TRPC4: variants seen among roughly 807,000 people sequenced by gnomAD.
TRPC4 encodes transient receptor potential cation channel subfamily C member 4, also known as short transient receptor potential channel 4.
Under a neutral mutation model 99.4 loss-of-function variants are expected in TRPC4, and 49 were observed. That is an observed-to-expected ratio of 0.49 (90% CI 0.39 to 0.63). TRPC4 has a LOEUF of 0.63. Ranked by LOEUF, TRPC4 falls within the 20% of genes least tolerant of loss-of-function variation. The pLI is 0.00. For missense variants in TRPC4, 898 were observed against 1,152.9 expected, an observed-to-expected ratio of 0.78 and a Z score of 3.20; for synonymous variants, 454 against 425.9, an observed-to-expected ratio of 1.07 and a Z score of -0.81.
chr13:37,849,846 C>A (rs1372499928), intron 1 of TRPC4, among the ~76,000 whole-genome samples: 1 of 152,198 alleles, frequency 6.6e-6, no homozygotes, highest in Non-Finnish European at 1.5e-5. Context: ...ACTCCTGCAT[C>A]ATCTGGCACA....
chr13:37,851,930 G>C (rs1959069076), intron 1 of TRPC4, among the ~76,000 whole-genome samples: 1 of 152,188 alleles, frequency 6.6e-6, no homozygotes, highest in South Asian at 2.1e-4. Context: ...TGTGCACAGA[G>C]GGAGCATTTG....
Position 37,637,046 on chromosome 13 carries a change from TG to T in TRPC4, c.2790del (p.Phe930LeufsTer14), listed in dbSNP as rs751755487. 1 of 1,613,750 alleles carries T rather than the reference TG, an allele frequency of 6.2e-7. No individual in the cohort carries two copies. On this transcript the variant is annotated frameshift_variant, in exon 11 of 11. Transcript: ENST00000379705. LOFTEE classifies it high-confidence loss of function. The stretch of plus-strand genomic sequence containing the variant: ...TCCTCCACCACCACCTTCTCTGACT[TG>T]AATGGACACACTCTCTTTCCTACCT... ...GLQVGKRVCPFKSEKVVVEDT... is the reference protein window; with the variant it reads ...GLQVGKRVCPXKSEKVVVEDT...
chr13:37,867,694 TAAC>T (rs1428071611), intron 1 of TRPC4, among the ~76,000 whole-genome samples: 1 of 152,090 alleles, frequency 6.6e-6, no homozygotes, highest in Admixed American at 6.5e-5. Flanking sequence ...GTGAAGTTTA[TAAC>T]AACATCTAGT....
intron 1 of TRPC4, among the ~76,000 whole-genome samples, chr13:37,808,199 C>T: frequency 6.7e-6 from 1 of 149,578 alleles, no homozygotes. Flanking sequence ...TTCACTGAAG[C>T]AAAAAAAAGC....
intron 1 of TRPC4, among the ~76,000 whole-genome samples, chr13:37,827,887 A>C (rs2139576730): frequency 6.6e-6 from 1 of 152,184 alleles, no homozygotes; most frequent in South Asian, 2.1e-4. Context: ...GCTGCCTTGC[A>C]GTTTGATCTC....
intron 2 of TRPC4, among the ~76,000 whole-genome samples, chr13:37,775,046 G>C (rs938380854): frequency 4.0e-5 from 6 of 151,518 alleles, no homozygotes; most frequent in African/African-American, 9.7e-5. Flanking sequence ...GTTAATAATG[G>C]ATTAGAGGGC....
intron 3 of TRPC4, among the ~76,000 whole-genome samples, chr13:37,715,426 C>A (rs369549285): frequency 1.3e-5 from 2 of 152,168 alleles, no homozygotes; most frequent in East Asian, 1.9e-4. Context: ...GACTCCAGAG[C>A]CAGAAAGATC....
chr13:37,745,489 C>CG (rs1170401305), intron 3 of TRPC4, among the ~76,000 whole-genome samples: 42 of 114,268 alleles, frequency 3.7e-4, no homozygotes, highest in African/African-American at 1.6e-3. Flanking sequence ...CACACACACA[C>CG]TTATATATAC....
intron 2 of TRPC4, among the ~76,000 whole-genome samples, chr13:37,758,281 G>A (rs1052301180): frequency 2.6e-5 from 4 of 151,842 alleles, no homozygotes; most frequent in African/African-American, 9.7e-5. Flanking sequence ...TTGTTAGTAT[G>A]TTGAATCCAA....
At chr13:37,790,793 C>G (rs531668799) in intron 1 of TRPC4, among the ~76,000 whole-genome samples, 50 of 152,200 alleles carry the variant, frequency 3.3e-4, no homozygotes, top group African/African-American at 1.2e-3. Context: ...AGGTGACACT[C>G]TTCTTTACCG....
At chr13:37,845,610 A>AAAAT (rs536497215) in intron 1 of TRPC4, among the ~76,000 whole-genome samples, 1,638 of 151,990 alleles carry the variant, frequency 0.011, 22 homozygotes, top group African/African-American at 0.037. Flanking sequence ...CAGAGGAGCA[A>AAAAT]AAATAAATAA....
chr13:37,829,076 A>G (rs79429785), intron 1 of TRPC4, among the ~76,000 whole-genome samples: 3,689 of 152,342 alleles, frequency 0.024, 82 homozygotes, highest in African/African-American at 0.056. Context: ...CTTACATATG[A>G]CAATAAATCA....
rs150395771 is a variant in TRPC4 at position 37,837,368 on chromosome 13, C to T, written c.-28+32227G>A. On this transcript the variant is annotated intron_variant, in intron 1 of 10. Coordinates refer to ENST00000379705, the MANE Select transcript of TRPC4 (RefSeq NM_016179.4). The stretch of plus-strand genomic sequence containing the variant: ...TGTGCCTGGAAAAGCTGTGGATACT[C>T]AATGCCAGCCCATGAAAGCAGCCAG... Among the ~76,000 whole-genome samples, 339 of 152,356 alleles carry T rather than the reference C, an allele frequency of 2.2e-3. 1 individual carries two copies. The highest frequency in any genetic ancestry group is 8.5e-3 in the South Asian group (41 of 4,834).
intron 3 of TRPC4, among the ~76,000 whole-genome samples, chr13:37,710,201 C>T (rs1487543125): frequency 6.6e-6 from 1 of 151,788 alleles, no homozygotes; most frequent in Non-Finnish European, 1.5e-5. Flanking sequence ...TAATTTCTAA[C>T]CCTTAATGGA....
chr13:37,696,503 A>G (rs939751120), intron 3 of TRPC4, among the ~76,000 whole-genome samples: 6 of 152,192 alleles, frequency 3.9e-5, no homozygotes, highest in Non-Finnish European at 5.9e-5. Flanking sequence ...ATTGTACCCA[A>G]AGTTCAGACT....
intron 1 of TRPC4, among the ~76,000 whole-genome samples, chr13:37,839,424 A>C (rs1056413965): frequency 6.6e-6 from 1 of 152,204 alleles, no homozygotes; most frequent in South Asian, 2.1e-4. Flanking sequence ...ATCCAGGGTT[A>C]ATCTATGTCT....
intron 3 of TRPC4, among the ~76,000 whole-genome samples, chr13:37,741,942 A>G (rs1341194038): frequency 6.6e-6 from 1 of 151,740 alleles, no homozygotes. Context: ...ATGAAAAAAA[A>G]AAAACAGCAA....
At chr13:37,692,983 C>G (rs1953770230) in intron 3 of TRPC4, among the ~76,000 whole-genome samples, 1 of 152,184 alleles carries the variant, frequency 6.6e-6, no homozygotes, top group East Asian at 1.9e-4. Context: ...CTAAGTATAC[C>G]TAATTGCCTT....
At chr13:37,711,528 A>C (rs9576344) in intron 3 of TRPC4, among the ~76,000 whole-genome samples, 34,299 of 151,978 alleles carry the variant, frequency 0.23, 4,891 homozygotes, top group Non-Finnish European at 0.32. Context: ...TCCCAGAATA[A>C]ATGAATCACC....
Sources: gnomAD v4.1 joint callset for allele counts (sites outside exome capture counted in the v4.1 genomes callset) on GRCh38, gnomAD v4.1.1 for gene constraint, MANE v1.5 for transcripts, NCBI Gene and HGNC (gene_info 2026-07-23, HGNC 2026-07-21) for gene names.